LRP1B: variants seen among roughly 807,000 people sequenced by gnomAD.
LRP1B encodes LDL receptor related protein 1B.
Under a neutral mutation model 556.6 loss-of-function variants are expected in LRP1B, and 217 were observed. That is an observed-to-expected ratio of 0.39 (90% confidence interval 0.35 to 0.44). The LOEUF (loss-of-function observed/expected upper bound fraction) is 0.44, where lower values mean the gene tolerates loss of function less well. Ranked by LOEUF, LRP1B falls within the 20% of genes least tolerant of loss-of-function variation. The pLI is 1.00. For missense variants in LRP1B, 5,053 were observed against 5,620.8 expected (o/e 0.90, Z 3.23); for synonymous variants, 2,047 against 1,865.8 (o/e 1.10, Z -2.50).
chr2:141,215,102 T>G (rs1573663184), intron 6 of LRP1B, among the ~76,000 whole-genome samples: 1 of 152,150 alleles, frequency 6.6e-6, no homozygotes, highest in Non-Finnish European at 1.5e-5. Flanking sequence ...AGATCCCTTA[T>G]GGCTTGGTGC....
intron 57 of LRP1B, among the ~76,000 whole-genome samples, chr2:140,488,785 T>C (rs1173199282): frequency 6.6e-6 from 1 of 152,024 alleles, no homozygotes; most frequent in Admixed American, 6.6e-5. Context: ...CACCGTAAAG[T>C]TGATGCTATG....
intron 7 of LRP1B, among the ~76,000 whole-genome samples, chr2:141,185,026 A>G (rs916702660): frequency 1.3e-5 from 2 of 152,052 alleles, no homozygotes; most frequent in African/African-American, 4.8e-5. Context: ...TGGTCTCATT[A>G]TTCTATTCGT....
intron 2 of LRP1B, among the ~76,000 whole-genome samples, chr2:141,762,555 A>G (rs535955765): frequency 6.6e-6 from 1 of 152,054 alleles, no homozygotes; most frequent in African/African-American, 2.4e-5. Flanking sequence ...TAGAAATTGT[A>G]TATTTTTTTA....
intron 6 of LRP1B, among the ~76,000 whole-genome samples, chr2:141,197,831 T>C (rs1412277076): frequency 2.0e-5 from 3 of 152,092 alleles, no homozygotes; most frequent in African/African-American, 7.2e-5. Flanking sequence ...TACATTTAAG[T>C]TGTCTTCTAG....
chr2:140,801,603 A>G (rs1293064308), intron 32 of LRP1B, among the ~76,000 whole-genome samples: 1 of 147,580 alleles, frequency 6.8e-6, no homozygotes, highest in Non-Finnish European at 1.5e-5. Context: ...TTTTTTGTCT[A>G]TAATGTGAGA....
chr2:141,306,715 A>T (rs937607413), intron 3 of LRP1B, among the ~76,000 whole-genome samples: 2 of 151,884 alleles, frequency 1.3e-5, no homozygotes, highest in African/African-American at 4.8e-5. Flanking sequence ...TACATAATTT[A>T]TTTGAAATCT....
At chr2:141,630,473 T>G (rs926380225) in intron 2 of LRP1B, among the ~76,000 whole-genome samples, 3 of 152,172 alleles carry the variant, frequency 2.0e-5, no homozygotes, top group Non-Finnish European at 2.9e-5. Flanking sequence ...TCCAACTCAG[T>G]CTTTCATGAA....
rs2105171389 is a variant in LRP1B, at chr2:140,373,056, C to T, written c.10720G>A (p.Gly3574Ser). ...TCCCCATATTTGCAGTCTTCATGGC[C>T]ATCACATTTCCATTTTGCTGGTATA... ...QCIPAKWKCD[G>S]HEDCKYGEDE... The change falls in exon 69 of 91, where the codon GGC becomes AGC. Residue 3574 changes from glycine (G) to serine (S), a missense_variant. Coordinates refer to ENST00000389484, the MANE Select transcript of LRP1B (RefSeq NM_018557.3). The T allele has an allele frequency of 6.2e-7, 1 of 1,613,432 alleles. No individual in the cohort carries two copies. The highest frequency in any genetic ancestry group is 8.5e-7 in the Non-Finnish European group (1 of 1,179,644).
intron 2 of LRP1B, among the ~76,000 whole-genome samples, chr2:141,483,049 G>C (rs1261674299): frequency 2.0e-5 from 3 of 151,836 alleles, no homozygotes; most frequent in Non-Finnish European, 4.4e-5. Context: ...TGTCATGTTG[G>C]TGTTCTGCAC....
chr2:141,327,651 C>T (rs563222670), intron 3 of LRP1B, among the ~76,000 whole-genome samples: 1 of 152,266 alleles, frequency 6.6e-6, no homozygotes, highest in Non-Finnish European at 1.5e-5. Context: ...TAATAGATCA[C>T]ATTTCAAGAC....
chr2:140,693,919 G>T (rs1686332533), intron 41 of LRP1B, among the ~76,000 whole-genome samples: 1 of 152,042 alleles, frequency 6.6e-6, no homozygotes, highest in African/African-American at 2.4e-5. Context: ...TTTTGGCCAG[G>T]CTAGTCTCGA....
intron 3 of LRP1B, among the ~76,000 whole-genome samples, chr2:141,405,578 G>A (rs1384944578): frequency 6.6e-6 from 1 of 152,034 alleles, no homozygotes; most frequent in Admixed American, 6.5e-5. Context: ...TTGAGGAGGA[G>A]CCAAAATTAT....
At chr2:141,341,315 A>G (rs1688046347) in intron 3 of LRP1B, among the ~76,000 whole-genome samples, 1 of 152,188 alleles carries the variant, frequency 6.6e-6, no homozygotes, top group Admixed American at 6.5e-5. Flanking sequence ...ATCTCTAATA[A>G]TTCCTACAGG....
chr2:140,312,324 G>A (rs759803620), intron 83 of LRP1B, among the ~76,000 whole-genome samples: 1 of 152,060 alleles, frequency 6.6e-6, no homozygotes, highest in Non-Finnish European at 1.5e-5. Flanking sequence ...TGGGAATGTT[G>A]TCTCAAAAGT....
intron 3 of LRP1B, among the ~76,000 whole-genome samples, chr2:141,286,099 C>T (rs958446698): frequency 6.7e-6 from 1 of 149,832 alleles, no homozygotes; most frequent in South Asian, 2.1e-4. Flanking sequence ...TGTTCAATAC[C>T]TTATAGTAGG....
At chr2:140,265,092 T>C (rs1682138426) in intron 86 of LRP1B, among the ~76,000 whole-genome samples, 1 of 149,996 alleles carries the variant, frequency 6.7e-6, no homozygotes, top group Admixed American at 6.6e-5. Flanking sequence ...GCTGGGGATG[T>C]AAGTTTACAA....
At chr2:141,258,557 C>T (rs930563683) in intron 3 of LRP1B, among the ~76,000 whole-genome samples, 1 of 152,084 alleles carries the variant, frequency 6.6e-6, no homozygotes, top group African/African-American at 2.4e-5. Context: ...GACACAGATC[C>T]ACTTTGTTCT....
At position 140,950,325 on chromosome 2, in the gene LRP1B, C is replaced by T. The variant is rs2105299953; in HGVS notation, c.3046G>A (p.Gly1016Ser). 1 of 1,613,068 alleles carries T rather than the reference C, an allele frequency of 6.2e-7. No individual in the cohort carries two copies. The highest frequency in any genetic ancestry group is 1.1e-5 in the South Asian group (1 of 90,920). The change falls in exon 20 of 91, where the codon GGC becomes AGC. Residue 1016 changes from glycine to serine, a missense_variant. By Grantham distance (56) the Gly-to-Ser change is moderately conservative. Around this residue, in one of 5 missense-constraint regions of LRP1B, gnomAD observed 3,619 missense variants for 3,931.9 expected, o/e 0.92. Coordinates refer to ENST00000389484, the MANE Select transcript of LRP1B (RefSeq NM_018557.3). ...CFDNQFRCSS[G>S]RCIPGHWACD... Reference sequence around the variant, plus strand: ...GCCCAGTGGCCTGGGATGCATCTGCCACTGGAACATCTGAACTGATTATCA... The same window carrying T: ...GCCCAGTGGCCTGGGATGCATCTGCTACTGGAACATCTGAACTGATTATCA...
At chr2:141,544,603 C>T (rs1203830285) in intron 2 of LRP1B, among the ~76,000 whole-genome samples, 1 of 151,454 alleles carries the variant, frequency 6.6e-6, no homozygotes, top group East Asian at 2.0e-4. Context: ...CTCTTATAAA[C>T]ACAGACTTCT....
Sources: allele counts gnomAD v4.1 joint callset (sites outside exome capture counted in the v4.1 genomes callset), GRCh38; gene constraint gnomAD v4.1.1; regional missense constraint gnomAD v4.1.1; transcripts MANE v1.5; gene names NCBI Gene and HGNC (gene_info 2026-07-23, HGNC 2026-07-21).